The following CNTN5 variants were observed in gnomAD, a reference collection of about 807,000 sequenced individuals.
CNTN5 encodes the protein contactin 5, also known as contactin-5.
CNTN5 carries 77 observed loss-of-function variants against 129.1 expected under a neutral mutation model. The observed-to-expected ratio is 0.60, with a 90% CI of 0.50 to 0.72. The LOEUF (loss-of-function observed/expected upper bound fraction) is 0.72. CNTN5 is among the 30% of genes least tolerant of loss of function. CNTN5 has a pLI of 0.00. For missense variants in CNTN5, 1,478 were observed against 1,328.8 expected, an observed-to-expected ratio of 1.11 and a Z score of -1.75; for synonymous variants, 509 against 465.6, an observed-to-expected ratio of 1.09 and a Z score of -1.20.
chr11:99,176,652 T>C (rs1857789293), intron 1 of CNTN5, among the ~76,000 whole-genome samples: 1 of 152,190 alleles, frequency 6.6e-6, no homozygotes, highest in African/African-American at 2.4e-5. Flanking sequence ...TGTCAGCAAA[T>C]TGTTATGATT....
intron 10 of CNTN5, among the ~76,000 whole-genome samples, chr11:100,067,667 G>T (rs1470926229): frequency 2.0e-5 from 3 of 151,782 alleles, no homozygotes; most frequent in Non-Finnish European, 2.9e-5. Context: ...CAATTTTGAG[G>T]GCAGTGTAAC....
chr11:99,036,225 G>T (rs901792819), intron 1 of CNTN5, among the ~76,000 whole-genome samples: 1 of 152,008 alleles, frequency 6.6e-6, no homozygotes, highest in African/African-American at 2.4e-5. Flanking sequence ...AGGAAGAAAT[G>T]ACCTAGTGTT....
At chr11:99,534,156 A>G (rs1947815328) in intron 2 of CNTN5, among the ~76,000 whole-genome samples, 1 of 152,226 alleles carries the variant, frequency 6.6e-6, no homozygotes, top group African/African-American at 2.4e-5. Flanking sequence ...GACCCATTAA[A>G]TGAGATGTTG....
chr11:99,259,185 A>T (rs1415587618), intron 1 of CNTN5, among the ~76,000 whole-genome samples: 4 of 151,902 alleles, frequency 2.6e-5, no homozygotes. Flanking sequence ...TGCACAAATT[A>T]TGTATCCATT....
chr11:99,676,981 C>T (rs1243411754), intron 3 of CNTN5, among the ~76,000 whole-genome samples: 5 of 152,072 alleles, frequency 3.3e-5, no homozygotes, highest in African/African-American at 1.2e-4. Context: ...TTTGACTACA[C>T]TTTTAGAAAC....
chr11:100,297,628 C>T lies in CNTN5; in HGVS notation c.2318C>T (p.Pro773Leu), dbSNP rs773868429. The change falls in exon 19 of 25, where the codon CCG becomes CTG. Residue 773 changes from proline (P) to leucine (L), a missense_variant. Coordinates refer to ENST00000524871, the MANE Select transcript of CNTN5 (RefSeq NM_014361.4). Reference protein sequence around the residue: ...SRMIRTNEAVPKTAPTNVSGR... With the variant: ...SRMIRTNEAVLKTAPTNVSGR... ...CTCCACCCATTTTTATCCACAGTTC[C>T]GAAGACAGCACCCACCAATGTAAGC... is the stretch of plus-strand genomic sequence containing the variant. The T allele has an allele frequency of 3.1e-6, 5 of 1,605,540 alleles. No individual in the cohort carries two copies. Among genetic ancestry groups the T allele is most frequent in the East Asian group, 2.2e-5 (1 of 44,596 alleles).
chr11:99,115,498 C>A (rs1858002972), intron 1 of CNTN5, among the ~76,000 whole-genome samples: 1 of 152,104 alleles, frequency 6.6e-6, no homozygotes, highest in Non-Finnish European at 1.5e-5. Flanking sequence ...GTGGCTCATG[C>A]CTGTAATCCT....
rs1030494252 is a variant in CNTN5 at position 99,872,740 on chromosome 11, G to T, written c.577+27478G>T. Among the ~76,000 whole-genome samples the T allele has an allele frequency of 5.9e-5, 9 of 152,012 alleles. No homozygotes were observed. In the East Asian group the frequency reaches 9.6e-4, roughly 16 times the overall value. On this transcript the variant is annotated intron_variant, in intron 6 of 24. Coordinates refer to ENST00000524871, the MANE Select transcript of CNTN5 (RefSeq NM_014361.4). ...CCTGAAAAAGCATAAGCACAAGATG[G>T]CATTATATGAGTAACATGTACCAGT...
chr11:100,004,393 G>A (rs900584099), intron 9 of CNTN5, among the ~76,000 whole-genome samples: 10 of 151,876 alleles, frequency 6.6e-5, no homozygotes, highest in African/African-American at 2.4e-4. Flanking sequence ...TCATCCTCTG[G>A]CCTCAATTTC....
intron 1 of CNTN5, among the ~76,000 whole-genome samples, chr11:99,318,373 C>CGAAA (rs1865431713): frequency 6.6e-6 from 1 of 152,062 alleles, no homozygotes; most frequent in Non-Finnish European, 1.5e-5. Context: ...GGGGTTCTTT[C>CGAAA]TAGAACAACA....
chr11:100,026,520 T>C (rs1941425472), intron 9 of CNTN5, among the ~76,000 whole-genome samples: 1 of 152,240 alleles, frequency 6.6e-6, no homozygotes, highest in Non-Finnish European at 1.5e-5. Context: ...ATGAGAGTTC[T>C]TCTTGTTCTA....
At position 99,383,520 on chromosome 11, in the gene CNTN5, C is replaced by G. The variant is rs192367580; in HGVS notation, c.-71+58036C>G. On this transcript the variant is annotated intron_variant, in intron 2 of 24. Transcript: ENST00000524871. ...TGAACAGTGATGCCATAGTGGCAAGCAAGTTATTAAAGGGACTCGATACCT... is the reference window on the plus strand; with the variant it reads ...TGAACAGTGATGCCATAGTGGCAAGGAAGTTATTAAAGGGACTCGATACCT... Among the ~76,000 whole-genome samples the G allele has an allele frequency of 6.8e-3, 1,030 of 151,678 alleles. 11 individuals are homozygous for G. The highest frequency in any genetic ancestry group is 0.023 in the African/African-American group (970 of 41,336).
intron 1 of CNTN5, among the ~76,000 whole-genome samples, chr11:99,239,830 G>A (rs952988928): frequency 6.6e-5 from 10 of 151,876 alleles, no homozygotes; most frequent in Non-Finnish European, 8.8e-5. Flanking sequence ...CCAGCTACTC[G>A]GGAGGCTGAG....
chr11:100,029,137 A>T (rs1027444507), intron 9 of CNTN5, among the ~76,000 whole-genome samples: 3 of 150,418 alleles, frequency 2.0e-5, no homozygotes, highest in Admixed American at 1.3e-4. Context: ...AAAAACATAC[A>T]TGTGATTCAG....
At chr11:100,290,936 C>A (rs1361455492) in intron 18 of CNTN5, among the ~76,000 whole-genome samples, 8 of 151,812 alleles carry the variant, frequency 5.3e-5, no homozygotes, top group African/African-American at 9.7e-5. Context: ...CCCCATCAAA[C>A]AGTGGGCAAA....
chr11:99,830,618 A>T (rs1947109417), intron 4 of CNTN5, among the ~76,000 whole-genome samples: 1 of 152,164 alleles, frequency 6.6e-6, no homozygotes, highest in Non-Finnish European at 1.5e-5. Context: ...TTTGGATGAC[A>T]CACTTCTAAA....
intron 2 of CNTN5, among the ~76,000 whole-genome samples, chr11:99,490,914 C>A (rs553021843): frequency 2.6e-5 from 4 of 151,946 alleles, no homozygotes; most frequent in Non-Finnish European, 5.9e-5. Context: ...GTTGAAGTTG[C>A]CCTTGTGTGG....
intron 1 of CNTN5, among the ~76,000 whole-genome samples, chr11:99,266,405 C>A (rs1485899370): frequency 9.9e-5 from 15 of 151,886 alleles, no homozygotes; most frequent in Admixed American, 9.9e-4. Context: ...TCAAGACCAA[C>A]CTAGAAAACT....
chr11:99,609,531 A>G (rs888410065), intron 3 of CNTN5, among the ~76,000 whole-genome samples: 24 of 152,240 alleles, frequency 1.6e-4, no homozygotes, highest in African/African-American at 5.3e-4. Flanking sequence ...GTCCAGGAAG[A>G]CACAAGTAGA....
Sources: gnomAD v4.1 joint callset for allele counts (sites outside exome capture counted in the v4.1 genomes callset) on GRCh38, gnomAD v4.1.1 for gene constraint, MANE v1.5 for transcripts, NCBI Gene and HGNC (gene_info 2026-07-23, HGNC 2026-07-21) for gene names.